GLIS1: variants seen among roughly 807,000 people sequenced by gnomAD.
The protein encoded by GLIS1 is GLIS family zinc finger 1.
Under a neutral mutation model 63.8 loss-of-function variants are expected in GLIS1, and 24 were observed. The observed-to-expected ratio is 0.38, with a 90% CI of 0.27 to 0.53. The LOEUF (loss-of-function observed/expected upper bound fraction) is 0.53, where lower values mean the gene tolerates loss of function less well. Ranked by LOEUF, GLIS1 falls within the 20% of genes least tolerant of loss-of-function variation. The probability of loss-of-function intolerance (pLI) is 0.85; values close to 1 mark genes in which losing one functional copy is unlikely to be tolerated. For synonymous variants in GLIS1, 450 were observed against 482.5 expected, an observed-to-expected ratio of 0.93 and a Z score of 0.88; for missense variants, 1,036 against 1,074.1, an observed-to-expected ratio of 0.96 and a Z score of 0.50.
chr1:53,543,224 G>T (rs372832812), intron 4 of GLIS1, among the ~76,000 whole-genome samples: 4 of 152,346 alleles, frequency 2.6e-5, no homozygotes, highest in South Asian at 4.1e-4. Context: ...GAGAGCACTA[G>T]CAGTCCTCCC....
At chr1:53,700,791 C>T (rs1431398208) in intron 2 of GLIS1, among the ~76,000 whole-genome samples, 1 of 152,200 alleles carries the variant, frequency 6.6e-6, no homozygotes, top group African/African-American at 2.4e-5. Context: ...TCCCCTCCTC[C>T]CAGCCCCTGG....
chr1:53,682,865 C>A (rs1646290705), intron 2 of GLIS1, among the ~76,000 whole-genome samples: 1 of 152,194 alleles, frequency 6.6e-6, no homozygotes, highest in Admixed American at 6.5e-5. Context: ...AGCTCAGCAC[C>A]TAGTGAGGGG....
chr1:53,707,716 T>TTTACTATC (rs1646595060), intron 2 of GLIS1, among the ~76,000 whole-genome samples: 1 of 151,764 alleles, frequency 6.6e-6, no homozygotes, highest in African/African-American at 2.4e-5. Context: ...AAAGTGAGCA[T>TTTACTATC]TTACTATCTT....
chr1:53,687,648 A>G (rs3013776), intron 2 of GLIS1, among the ~76,000 whole-genome samples: 133,757 of 152,208 alleles, frequency 0.88, 60,018 homozygotes, highest in Non-Finnish European at 0.96. Flanking sequence ...AAGGGGCAGC[A>G]CCAGGTCAGA....
At position 53,571,340 on chromosome 1, in the gene GLIS1, T is replaced by C. The variant is rs572948646; in HGVS notation, c.1320+22768A>G. Among the ~76,000 whole-genome samples, 11 of 152,332 alleles carry C rather than the reference T, an allele frequency of 7.2e-5. No homozygotes were observed. In the South Asian group the frequency reaches 2.3e-3, roughly 32 times the overall value. ...TTTTGAAAACAAGCCGGCATTTTCA[T>C]ACATTCCCTAAGCCAGCAATTTCAT... is the stretch of plus-strand genomic sequence containing the variant. On this transcript the variant is annotated intron_variant, in intron 4 of 10. Transcript: ENST00000628545.
intron 8 of GLIS1, among the ~76,000 whole-genome samples, chr1:53,510,275 T>C (rs946924941): frequency 2.0e-5 from 3 of 152,268 alleles, no homozygotes; most frequent in Admixed American, 2.0e-4. Flanking sequence ...AGGCACAACC[T>C]TTCCAGCTGA....
chr1:53,628,543 T>G (rs1645620100), intron 2 of GLIS1, among the ~76,000 whole-genome samples: 1 of 152,080 alleles, frequency 6.6e-6, no homozygotes, highest in South Asian at 2.1e-4. Context: ...TATCCACGAA[T>G]TTAACACCAT....
chr1:53,603,634 C>T (rs1645340906), intron 2 of GLIS1, among the ~76,000 whole-genome samples: 1 of 152,216 alleles, frequency 6.6e-6, no homozygotes. Flanking sequence ...GTTCACTCTC[C>T]ATCTCCAGAG....
chr1:53,602,890 A>G (rs1258902873), intron 2 of GLIS1, among the ~76,000 whole-genome samples: 2 of 152,238 alleles, frequency 1.3e-5, no homozygotes, highest in African/African-American at 2.4e-5. Flanking sequence ...GGGAAAGTAA[A>G]AAGGAAAACC....
chr1:53,628,531 TTTA>T (rs1645619965), intron 2 of GLIS1, among the ~76,000 whole-genome samples: 1 of 152,140 alleles, frequency 6.6e-6, no homozygotes, highest in Non-Finnish European at 1.5e-5. Context: ...TACCAGTCAC[TTTA>T]TCCACGAATT....
intron 4 of GLIS1, among the ~76,000 whole-genome samples, chr1:53,532,166 A>T (rs534354738): frequency 6.6e-6 from 1 of 152,286 alleles, no homozygotes; most frequent in African/African-American, 2.4e-5. Flanking sequence ...AAGGGAAAGG[A>T]CAGGCTCAGA....
intron 2 of GLIS1, among the ~76,000 whole-genome samples, chr1:53,735,541 T>G (rs1392933380): frequency 6.6e-6 from 1 of 152,204 alleles, no homozygotes; most frequent in Non-Finnish European, 1.5e-5. Context: ...CTCATCAGTC[T>G]TGCGAATTAA....
chr1:53,707,062 A>G (rs1216945238), intron 2 of GLIS1, among the ~76,000 whole-genome samples: 1 of 152,004 alleles, frequency 6.6e-6, no homozygotes, highest in Non-Finnish European at 1.5e-5. Context: ...CCCCCGACCC[A>G]TTTTCCTCAT....
At chr1:53,685,226 A>G (rs888495023) in intron 2 of GLIS1, among the ~76,000 whole-genome samples, 12 of 152,296 alleles carry the variant, frequency 7.9e-5, no homozygotes, top group African/African-American at 2.6e-4. Context: ...GAGGCCACAG[A>G]GAAGGAGACT....
At chr1:53,527,822 A>G (rs1427618521) in intron 5 of GLIS1, among the ~76,000 whole-genome samples, 10 of 152,098 alleles carry the variant, frequency 6.6e-5, no homozygotes, top group Non-Finnish European at 1.5e-4. Flanking sequence ...CCAGGCTTCC[A>G]GGGGACCTCT....
intron 2 of GLIS1, among the ~76,000 whole-genome samples, chr1:53,719,006 C>A (rs1031898836): frequency 1.3e-5 from 2 of 152,204 alleles, no homozygotes; most frequent in Non-Finnish European, 2.9e-5. Flanking sequence ...TCCTAGGGAG[C>A]TCCTCCGGTT....
In GLIS1 at chr1:53,690,525, C is replaced by T. The variant is rs143809276; in HGVS notation, c.259+47281G>A. Among the ~76,000 whole-genome samples the T allele has an allele frequency of 2.9e-3, 436 of 152,384 alleles. 2 individuals are homozygous for T. In the Middle Eastern group the frequency reaches 0.031, roughly 11 times the overall value. On this transcript the variant is annotated intron_variant, in intron 2 of 10. Coordinates refer to ENST00000628545, the MANE Select transcript of GLIS1 (RefSeq NM_001367484.1). ...TAACCACAGCACCTCTTGGCTTCAA[C>T]GTCTGCATCTGGCAATGGACATGAC...
At chr1:53,623,384 A>T (rs1434251095) in intron 2 of GLIS1, among the ~76,000 whole-genome samples, 2 of 152,206 alleles carry the variant, frequency 1.3e-5, no homozygotes, top group Non-Finnish European at 2.9e-5. Flanking sequence ...AACAGAAAAG[A>T]ATTTCCTCAA....
chr1:53,611,189 A>G (rs1645421000), intron 2 of GLIS1, among the ~76,000 whole-genome samples: 2 of 152,154 alleles, frequency 1.3e-5, no homozygotes, highest in Non-Finnish European at 2.9e-5. Context: ...GGCTCAAGCA[A>G]TCCAGCCATT....
Sources: allele counts gnomAD v4.1 joint callset (sites outside exome capture counted in the v4.1 genomes callset), GRCh38; gene constraint gnomAD v4.1.1; transcripts MANE v1.5; gene names NCBI Gene and HGNC (gene_info 2026-07-23, HGNC 2026-07-21).